PGM1: variants seen among roughly 807,000 people sequenced by gnomAD.
PGM1 encodes the protein phosphoglucomutase 1.
In PGM1, 52 loss-of-function variants were observed where a neutral mutation model predicts 55.6. The observed-to-expected ratio is 0.94, with a 90% CI of 0.75 to 1.18. The LOEUF (loss-of-function observed/expected upper bound fraction) is 1.18, where lower values mean the gene tolerates loss of function less well. Ranked by LOEUF, PGM1 falls within the 50% of genes most tolerant of loss-of-function variation. PGM1 has a pLI of 0.00. For synonymous variants in PGM1, 287 were observed against 271.7 expected, an observed-to-expected ratio of 1.06 and a Z score of -0.55; for missense variants, 724 against 729.3, an observed-to-expected ratio of 0.99 and a Z score of 0.08.
chr1:63,619,997 A>G (rs1414987238), intron 1 of PGM1, among the ~76,000 whole-genome samples: 1 of 152,220 alleles, frequency 6.6e-6, no homozygotes, highest in African/African-American at 2.4e-5. Flanking sequence ...TGAGGCTCAG[A>G]AGGACAAGGG....
rs1649899491 is a variant in PGM1 at position 63,654,343 on chromosome 1, C to T, written c.1476C>T (p.Leu492=). The change falls in exon 10 of 11, where the codon CTC becomes CTT. Residue 492 remains leucine, a synonymous_variant. Coordinates refer to ENST00000371084, the MANE Select transcript of PGM1 (RefSeq NM_002633.3). ...GSISRNQGLR[L]IFTDGSRIVF... ...CTTATCTTTTCCAGGGCTTGCGCCT[C>T]ATTTTCACAGATGGTTCTCGAATCG... 1.9e-6 allele frequency: 3 copies of T among 1,613,892 alleles called. No homozygotes were observed. Among genetic ancestry groups the T allele is most frequent in the Non-Finnish European group, 2.5e-6 (3 of 1,179,896 alleles).
intron 1 of PGM1, among the ~76,000 whole-genome samples, chr1:63,628,000 A>G (rs1649083639): frequency 6.6e-6 from 1 of 152,094 alleles, no homozygotes; most frequent in Non-Finnish European, 1.5e-5. Context: ...GTACCTTTCC[A>G]TTAATGCTTG....
intron 1 of PGM1, among the ~76,000 whole-genome samples, chr1:63,613,936 C>G (rs188930154): frequency 6.6e-6 from 1 of 152,146 alleles, no homozygotes; most frequent in Non-Finnish European, 1.5e-5. Flanking sequence ...TGATGAGAAA[C>G]GTGAGCTTTG....
At chr1:63,656,571 G>GGGGTGT (rs1553122805) in intron 10 of PGM1, among the ~76,000 whole-genome samples, 4 of 144,240 alleles carry the variant, frequency 2.8e-5, no homozygotes, top group African/African-American at 1.1e-4. Context: ...AAGACATTGT[G>GGGGTGT]GTGTGTGTGT....
chr1:63,656,316 C>T (rs1649965045), intron 10 of PGM1, among the ~76,000 whole-genome samples: 1 of 152,156 alleles, frequency 6.6e-6, no homozygotes, highest in Non-Finnish European at 1.5e-5. Flanking sequence ...AGGGAACCAT[C>T]AGACACTATT....
At chr1:63,596,378 T>A (rs2100951815) in intron 1 of PGM1, among the ~76,000 whole-genome samples, 2 of 148,472 alleles carry the variant, frequency 1.3e-5, no homozygotes, top group South Asian at 4.5e-4. Flanking sequence ...TGCCTTAGCC[T>A]CCTGAGTAGC....
intron 1 of PGM1, among the ~76,000 whole-genome samples, chr1:63,617,989 G>A (rs1410842013): frequency 1.3e-5 from 2 of 151,966 alleles, no homozygotes; most frequent in Non-Finnish European, 2.9e-5. Flanking sequence ...AACTTTTCAA[G>A]TATTCAAGTT....
chr1:63,638,607 C>A, intron 6 of PGM1, 78 bp from the exon 7 acceptor site: 1 of 893,184 alleles, frequency 1.1e-6, no homozygotes, highest in Non-Finnish European at 1.9e-6. Context: ...ATTACAATAA[C>A]GATTGCCCTT....
intron 6 of PGM1, among the ~76,000 whole-genome samples, chr1:63,637,407 G>A (rs374453422): frequency 8.5e-5 from 13 of 152,320 alleles, no homozygotes; most frequent in African/African-American, 1.7e-4. Flanking sequence ...GGGCCATGCA[G>A]TTGTTTTCTG....
At chr1:63,636,499 G>A in intron 6 of PGM1, 111 bp downstream of exon 6, 1 of 1,107,050 alleles carries the variant, frequency 9.0e-7, no homozygotes. Context: ...GGCATCTGAT[G>A]CATAGAGTGT....
At chr1:63,629,910 A>AAGT (rs1218599922) in intron 2 of PGM1, 32 bp from the exon 3 acceptor site, 2 of 1,613,524 alleles carry the variant, frequency 1.2e-6, no homozygotes, top group South Asian at 2.2e-5. Flanking sequence ...GAGCTGCACG[A>AAGT]AGTAACCCAC....
intron 4 of PGM1, 35 bp downstream of exon 4, chr1:63,631,817 G>A (rs1649204014): frequency 6.2e-7 from 1 of 1,604,464 alleles, no homozygotes; most frequent in African/African-American, 1.3e-5. Context: ...CCCATCTCTT[G>A]AGGATAGGAA....
intron 1 of PGM1, among the ~76,000 whole-genome samples, chr1:63,602,951 C>T (rs912014357): frequency 1.3e-5 from 2 of 152,052 alleles, no homozygotes; most frequent in Non-Finnish European, 2.9e-5. Flanking sequence ...ATAAAGGAGG[C>T]GTGCCTGGTT....
intron 1 of PGM1, among the ~76,000 whole-genome samples, chr1:63,596,189 T>C (rs749716446): frequency 7.2e-5 from 11 of 152,092 alleles, no homozygotes; most frequent in Non-Finnish European, 1.0e-4. Context: ...GGAAGTTCCT[T>C]CATGGGCTGC....
intron 4 of PGM1, among the ~76,000 whole-genome samples, chr1:63,634,009 T>C (rs1431440437): frequency 1.4e-5 from 2 of 142,066 alleles, no homozygotes; most frequent in Non-Finnish European, 3.0e-5. Flanking sequence ...CTCAAACTCC[T>C]GACCTCATGT....
At position 63,593,699 on chromosome 1, in the gene PGM1, A is replaced by G. The variant is rs1158087933; in HGVS notation, c.211A>G (p.Ile71Val). ...CGGCCGGTTCTACATGAAGGAGGCC[A>G]TCCAGCTCATCGCTCGCATCGCTGC... ...GDGRFYMKEA[I>V]QLIARIAAAN... Residue 71 changes from isoleucine to valine, a missense_variant, in exon 1 of 11, where the codon ATC becomes GTC. Ile to Val is a conservative substitution (Grantham distance 29, BLOSUM62 3). This residue lies in a region of PGM1 where 379 missense variants were observed against 357.5 expected (regional missense o/e 1.06). Coordinates refer to ENST00000371084, the MANE Select transcript of PGM1 (RefSeq NM_002633.3). 3 of 1,602,528 alleles carry G rather than the reference A, an allele frequency of 1.9e-6. No homozygotes were observed. The highest frequency in any genetic ancestry group is 1.7e-6 in the Non-Finnish European group (2 of 1,176,258).
At chr1:63,611,313 G>T (rs936922090) in intron 1 of PGM1, among the ~76,000 whole-genome samples, 1 of 152,054 alleles carries the variant, frequency 6.6e-6, no homozygotes, top group African/African-American at 2.4e-5. Context: ...AAGACATTCT[G>T]TGTAGTGGGA....
At chr1:63,596,798 G>A (rs761636240) in intron 1 of PGM1, among the ~76,000 whole-genome samples, 11 of 151,964 alleles carry the variant, frequency 7.2e-5, no homozygotes, top group South Asian at 2.1e-4. Context: ...ACATGTCAAC[G>A]GCCTCCAACT....
At chr1:63,641,145 AT>A (rs1649504714) in intron 7 of PGM1, among the ~76,000 whole-genome samples, 1 of 152,206 alleles carries the variant, frequency 6.6e-6, no homozygotes, top group Non-Finnish European at 1.5e-5. Flanking sequence ...ACTTTAGACT[AT>A]TGTTAAAGTT....
Sources: gnomAD v4.1 joint callset for allele counts (sites outside exome capture counted in the v4.1 genomes callset) on GRCh38, gnomAD v4.1.1 for gene constraint, gnomAD v4.1.1 regional missense constraint, MANE v1.5 for transcripts, NCBI Gene and HGNC (gene_info 2026-07-23, HGNC 2026-07-21) for gene names.